SYNPR: variants seen among roughly 807,000 people sequenced by gnomAD.
SYNPR encodes the protein synaptoporin.
SYNPR carries 23 observed loss-of-function variants against 32.9 expected under a neutral mutation model. The ratio of observed to expected loss-of-function variants is 0.70; its 90% CI spans 0.50 to 0.99. The LOEUF is 0.99. Ranked by LOEUF, SYNPR falls within the 50% of genes least tolerant of loss-of-function variation. The pLI is 0.00. For missense variants in SYNPR, 318 were observed against 349.3 expected (o/e 0.91, Z 0.71); for synonymous variants, 146 against 135.9 (o/e 1.07, Z -0.52).
chr3:63,386,048 A>C (rs1469135924), intron 2 of SYNPR, among the ~76,000 whole-genome samples: 1 of 152,232 alleles, frequency 6.6e-6, no homozygotes, highest in Non-Finnish European at 1.5e-5. Context: ...CCTGCAACAC[A>C]AACTGGGTCC....
intron 3 of SYNPR, among the ~76,000 whole-genome samples, chr3:63,544,900 G>A (rs1702373670): frequency 6.6e-6 from 1 of 151,576 alleles, no homozygotes; most frequent in South Asian, 2.1e-4. Context: ...ACAATCCTAT[G>A]AATATGGTGC....
intron 2 of SYNPR, among the ~76,000 whole-genome samples, chr3:63,372,228 G>A (rs1306608673): frequency 1.3e-5 from 2 of 151,914 alleles, no homozygotes; most frequent in African/African-American, 4.8e-5. Context: ...AGTCACCATA[G>A]ACAAGAGTCC....
intron 3 of SYNPR, among the ~76,000 whole-genome samples, chr3:63,552,734 T>C (rs1374616721): frequency 6.6e-6 from 1 of 152,156 alleles, no homozygotes; most frequent in African/African-American, 2.4e-5. Flanking sequence ...TTAATGTCCT[T>C]ATTATTTAAC....
At chr3:63,336,080 T>C (rs1450283546) in intron 2 of SYNPR, among the ~76,000 whole-genome samples, 2 of 152,286 alleles carry the variant, frequency 1.3e-5, no homozygotes, top group East Asian at 3.9e-4. Context: ...AATAGAAATG[T>C]TAAAAACAAC....
intron 2 of SYNPR, among the ~76,000 whole-genome samples, chr3:63,356,621 A>T (rs1245324446): frequency 1.3e-5 from 2 of 152,156 alleles, no homozygotes; most frequent in African/African-American, 4.8e-5. Flanking sequence ...CAAATAACTC[A>T]TTGCATTTAT....
At chr3:63,347,828 A>G (rs1005814530) in intron 2 of SYNPR, among the ~76,000 whole-genome samples, 1 of 151,344 alleles carries the variant, frequency 6.6e-6, no homozygotes. Flanking sequence ...GCTGAATAGT[A>G]TTCCATTGTG....
intron 4 of SYNPR, among the ~76,000 whole-genome samples, chr3:63,565,460 C>T (rs955319755): frequency 6.6e-5 from 10 of 152,172 alleles, no homozygotes; most frequent in Non-Finnish European, 1.5e-4. Context: ...AATACTGCGT[C>T]CTCACGTGGT....
chr3:63,201,456 AG>A, the SYNPR span, among the ~76,000 whole-genome samples: 1 of 152,196 alleles, frequency 6.6e-6, no homozygotes, highest in Non-Finnish European at 1.5e-5. Context: ...AGCAATGACA[AG>A]GCAAGCTGAA....
chr3:63,520,550 G>A (rs1294669029), intron 3 of SYNPR, among the ~76,000 whole-genome samples: 5 of 152,058 alleles, frequency 3.3e-5, no homozygotes, highest in Non-Finnish European at 7.4e-5. Context: ...GCACGCGCCT[G>A]TAATCCCAGC....
At chr3:63,262,975 T>G (rs1308648856) in intron 2 of SYNPR, among the ~76,000 whole-genome samples, 4 of 152,138 alleles carry the variant, frequency 2.6e-5, no homozygotes, top group African/African-American at 9.7e-5. Context: ...GACTGAAAAG[T>G]CAAATGCTTA....
intron 2 of SYNPR, among the ~76,000 whole-genome samples, chr3:63,336,833 A>T (rs2167354): frequency 5.3e-5 from 8 of 152,066 alleles, no homozygotes; most frequent in Non-Finnish European, 1.0e-4. Flanking sequence ...GCAAGAAAAT[A>T]TTTGTAAAAC....
chr3:63,381,834 T>G (rs951577245), intron 2 of SYNPR, among the ~76,000 whole-genome samples: 3 of 152,204 alleles, frequency 2.0e-5, no homozygotes, highest in Non-Finnish European at 4.4e-5. Flanking sequence ...TACTGAAACA[T>G]CTCTTTAAAT....
At chr3:63,580,429 T>G (rs1703070835) in intron 4 of SYNPR, among the ~76,000 whole-genome samples, 1 of 152,136 alleles carries the variant, frequency 6.6e-6, no homozygotes, top group African/African-American at 2.4e-5. Context: ...AATGTAGACT[T>G]CAGAATAAGG....
intron 2 of SYNPR, among the ~76,000 whole-genome samples, chr3:63,459,823 C>T (rs770373225): frequency 5.3e-5 from 8 of 152,146 alleles, no homozygotes; most frequent in Middle Eastern, 3.4e-3. Flanking sequence ...ACTGACAAAA[C>T]GATTTCTATT....
At chr3:63,315,552 T>A (rs527391733) in intron 2 of SYNPR, among the ~76,000 whole-genome samples, 9 of 152,048 alleles carry the variant, frequency 5.9e-5, no homozygotes, top group Admixed American at 2.0e-4. Flanking sequence ...TCGCTGTTGA[T>A]GTATAAAAGA....
At chr3:63,350,491 A>G (rs1344080243) in intron 2 of SYNPR, among the ~76,000 whole-genome samples, 1 of 152,186 alleles carries the variant, frequency 6.6e-6, no homozygotes, top group Non-Finnish European at 1.5e-5. Flanking sequence ...ATATTGCTAA[A>G]GCTGTGTGTG....
At position 63,470,044 on chromosome 3, in the gene SYNPR, T is replaced by A. The variant is rs1700766415; in HGVS notation, c.85-10788T>A. Among the ~76,000 whole-genome samples the A allele has an allele frequency of 2.0e-5, 3 of 152,214 alleles. No individual in the cohort carries two copies. In the South Asian group the frequency reaches 6.2e-4, roughly 31 times the overall value. ...AGTTTTTAGTTACAAAAGTTATACA[T>A]GCTTATTGGAAGACATTGCAATAAT... On this transcript the variant is annotated intron_variant, in intron 2 of 5. Coordinates refer to ENST00000478300, the MANE Select transcript of SYNPR (RefSeq NM_001130003.2).
intron 2 of SYNPR, among the ~76,000 whole-genome samples, chr3:63,257,359 C>G (rs2086394045): frequency 6.6e-6 from 1 of 152,210 alleles, no homozygotes; most frequent in South Asian, 2.1e-4. Flanking sequence ...ACCAGACTAA[C>G]AGCAGATATC....
chr3:63,365,211 G>T (rs1248038847), intron 2 of SYNPR, among the ~76,000 whole-genome samples: 1 of 152,160 alleles, frequency 6.6e-6, no homozygotes, highest in Admixed American at 6.5e-5. Flanking sequence ...TGTATAATTT[G>T]TAATTTACCT....
Sources: allele counts gnomAD v4.1 joint callset (sites outside exome capture counted in the v4.1 genomes callset), GRCh38; gene constraint gnomAD v4.1.1; transcripts MANE v1.5; gene names NCBI Gene and HGNC (gene_info 2026-07-23, HGNC 2026-07-21).